The following SLC4A4 variants were observed in gnomAD, a reference collection of about 807,000 sequenced individuals.
The protein encoded by SLC4A4 is electrogenic sodium bicarbonate cotransporter 1.
In SLC4A4, 27 loss-of-function variants were observed where a neutral mutation model predicts 111.5. The observed-to-expected ratio is 0.24, with a 90% CI of 0.18 to 0.33. SLC4A4 has a LOEUF of 0.33. SLC4A4 is among the 10% of genes least tolerant of loss of function. The pLI, the probability that SLC4A4 is intolerant of heterozygous loss-of-function variation, is 1.00. For missense variants in SLC4A4, 909 were observed against 1,315.5 expected (o/e 0.69, Z 4.78); for synonymous variants, 443 against 463.4 (o/e 0.96, Z 0.57).
intron 6 of SLC4A4, among the ~76,000 whole-genome samples, chr4:71,387,844 A>G (rs1384376536): frequency 6.6e-6 from 1 of 152,170 alleles, no homozygotes; most frequent in African/African-American, 2.4e-5. Flanking sequence ...TCTTCCACTC[A>G]TCTGAATCAG....
intron 16 of SLC4A4, among the ~76,000 whole-genome samples, chr4:71,501,180 T>C (rs891639997): frequency 6.6e-6 from 1 of 152,204 alleles, no homozygotes; most frequent in Non-Finnish European, 1.5e-5. Flanking sequence ...CCTCCCTGGT[T>C]AAATTTATTC....
chr4:71,476,823 T>G (rs747072518), intron 14 of SLC4A4, among the ~76,000 whole-genome samples: 1 of 151,690 alleles, frequency 6.6e-6, no homozygotes, highest in Non-Finnish European at 1.5e-5. Context: ...GTCAGAAAGT[T>G]TGACATATGT....
intron 6 of SLC4A4, among the ~76,000 whole-genome samples, chr4:71,395,804 A>G (rs937134959): frequency 6.6e-6 from 1 of 152,220 alleles, no homozygotes; most frequent in Non-Finnish European, 1.5e-5. Flanking sequence ...TGCCACTTAC[A>G]TATAAATTAT....
chr4:71,207,427 C>A (rs947435985), intron 1 of SLC4A4, among the ~76,000 whole-genome samples: 4 of 152,198 alleles, frequency 2.6e-5, no homozygotes, highest in African/African-American at 9.6e-5. Context: ...GCATGTGCTT[C>A]CATATCCTTA....
At chr4:71,511,267 G>T (rs1731887498) in intron 16 of SLC4A4, among the ~76,000 whole-genome samples, 1 of 152,086 alleles carries the variant, frequency 6.6e-6, no homozygotes, top group Non-Finnish European at 1.5e-5. Context: ...TTACCCTGAA[G>T]AATTCTCTTT....
intron 18 of SLC4A4, among the ~76,000 whole-genome samples, chr4:71,541,601 G>A (rs185536980): frequency 2.3e-4 from 35 of 152,200 alleles, no homozygotes; most frequent in African/African-American, 7.7e-4. Context: ...TGTATTGCTC[G>A]GCCTTCTCAG....
chr4:71,402,450 A>G (rs895411799), intron 7 of SLC4A4, among the ~76,000 whole-genome samples: 1 of 152,176 alleles, frequency 6.6e-6, no homozygotes, highest in African/African-American at 2.4e-5. Flanking sequence ...TTTCCTTTCC[A>G]TGGCTCAGTC....
intron 20 of SLC4A4, among the ~76,000 whole-genome samples, chr4:71,551,574 A>G (rs1000266930): frequency 1.3e-5 from 2 of 151,962 alleles, no homozygotes; most frequent in African/African-American, 4.8e-5. Context: ...ACCAGGTTAC[A>G]AAGTTCGTAA....
intron 2 of SLC4A4, among the ~76,000 whole-genome samples, chr4:71,141,848 C>T (rs1744006760): frequency 1.3e-5 from 2 of 152,178 alleles, no homozygotes. Flanking sequence ...GCAAAGCTCT[C>T]AAGCTTGGCT....
At chr4:71,105,508 C>G (rs1159660972) in intron 2 of SLC4A4, among the ~76,000 whole-genome samples, 1 of 151,582 alleles carries the variant, frequency 6.6e-6, no homozygotes, top group Non-Finnish European at 1.5e-5. Context: ...ATCACACTAC[C>G]TGACTTGAAA....
intron 7 of SLC4A4, among the ~76,000 whole-genome samples, chr4:71,419,535 T>C (rs912893456): frequency 6.6e-6 from 1 of 152,256 alleles, no homozygotes; most frequent in Admixed American, 6.5e-5. Flanking sequence ...CCCCGTTTTT[T>C]AAGCCTGTCG....
intron 16 of SLC4A4, among the ~76,000 whole-genome samples, chr4:71,513,756 G>T (rs1456250059): frequency 6.6e-6 from 1 of 152,084 alleles, no homozygotes; most frequent in East Asian, 1.9e-4. Context: ...TGACATTAGT[G>T]GTGGGTTTGT....
At chr4:71,347,196 C>A (rs189824553) in intron 4 of SLC4A4, among the ~76,000 whole-genome samples, 1 of 152,014 alleles carries the variant, frequency 6.6e-6, no homozygotes, top group African/African-American at 2.4e-5. Context: ...AGGTTGCCTA[C>A]AATATAAACT....
At chr4:71,181,521 C>T (rs530446579) in intron 2 of SLC4A4, among the ~76,000 whole-genome samples, 153 of 152,226 alleles carry the variant, frequency 1.0e-3, no homozygotes, top group Admixed American at 2.4e-3. Flanking sequence ...CAGATAGAGT[C>T]CCAATGTTAT....
At chr4:71,178,487 G>T (rs1464420724) in intron 2 of SLC4A4, among the ~76,000 whole-genome samples, 1 of 151,538 alleles carries the variant, frequency 6.6e-6, no homozygotes. Context: ...AAAGAGAGAA[G>T]AATCAAATAG....
chr4:71,297,509 AACACACACACACACAC>A (rs61184918), intron 3 of SLC4A4, among the ~76,000 whole-genome samples: 22 of 132,054 alleles, frequency 1.7e-4, no homozygotes, highest in East Asian at 2.2e-4. Flanking sequence ...CACACAGACA[AACACACACACACACAC>A]ACACACACAC....
chr4:71,299,760 G>C (rs1297568817), intron 3 of SLC4A4, among the ~76,000 whole-genome samples: 1 of 152,208 alleles, frequency 6.6e-6, no homozygotes, highest in Non-Finnish European at 1.5e-5. Context: ...ATCCGTGGCA[G>C]TTGGTCCTTC....
intron 5 of SLC4A4, among the ~76,000 whole-genome samples, chr4:71,355,963 G>A (rs2148910834): frequency 6.6e-6 from 1 of 152,334 alleles, no homozygotes; most frequent in South Asian, 2.1e-4. Context: ...GGAGCCATGG[G>A]ATCCATTACT....
chr4:71,332,008 G>A (rs1181205726), intron 3 of SLC4A4, among the ~76,000 whole-genome samples: 1 of 151,962 alleles, frequency 6.6e-6, no homozygotes, highest in Non-Finnish European at 1.5e-5. Flanking sequence ...GAATTTCTGT[G>A]GTATCAGTTG....
Sources: gnomAD v4.1 joint callset for allele counts (sites outside exome capture counted in the v4.1 genomes callset) on GRCh38, gnomAD v4.1.1 for gene constraint, MANE v1.5 for transcripts, NCBI Gene and HGNC (gene_info 2026-07-23, HGNC 2026-07-21) for gene names.